ZC3H13: variants seen among roughly 807,000 people sequenced by gnomAD.
ZC3H13 encodes the protein zinc finger CCCH-type containing 13.
A neutral mutation model predicts 204.1 loss-of-function variants in ZC3H13; 64 were observed. The ratio of observed to expected loss-of-function variants is 0.31; its 90% confidence interval spans 0.26 to 0.39. ZC3H13 has a LOEUF of 0.39. Ranked by LOEUF, ZC3H13 falls within the 10% of genes least tolerant of loss-of-function variation. The probability of loss-of-function intolerance (pLI) is 1.00; values close to 1 mark genes in which losing one functional copy is unlikely to be tolerated. For synonymous variants in ZC3H13, 667 were observed against 693.7 expected, an observed-to-expected ratio of 0.96 and a Z score of 0.60; for missense variants, 1,833 against 2,082.7, an observed-to-expected ratio of 0.88 and a Z score of 2.33.
chr13:46,029,452 G>A (rs1400503545), intron 4 of ZC3H13, among the ~76,000 whole-genome samples: 19 of 138,134 alleles, frequency 1.4e-4, no homozygotes, highest in South Asian at 4.6e-4. Flanking sequence ...TTTTTGAGAC[G>A]GAGTCTCGCT....
intron 11 of ZC3H13, 64 bp from the exon 12 acceptor site, chr13:45,975,902 T>C: frequency 1.1e-5 from 17 of 1,480,794 alleles, no homozygotes; most frequent in African/African-American, 3.8e-5. Flanking sequence ...TAAGACAGCA[T>C]GGTAAATCTT....
At chr13:46,017,839 T>G (rs555227867) in intron 5 of ZC3H13, among the ~76,000 whole-genome samples, 1 of 152,238 alleles carries the variant, frequency 6.6e-6, no homozygotes, top group East Asian at 1.9e-4. Flanking sequence ...TGCTTCAATA[T>G]TCCCTCAACA....
At chr13:45,965,537 C>T in intron 15 of ZC3H13, 105 bp from the exon 16 acceptor site, 1 of 1,024,780 alleles carries the variant, frequency 9.8e-7, no homozygotes, top group Non-Finnish European at 1.3e-6. Flanking sequence ...ATGTGAAAAA[C>T]ATCTTTTCAT....
intron 1 of ZC3H13, among the ~76,000 whole-genome samples, chr13:46,047,332 G>T (rs1380822742): frequency 6.6e-6 from 1 of 151,996 alleles, no homozygotes; most frequent in Non-Finnish European, 1.5e-5. Flanking sequence ...TTAATTTTTA[G>T]TGATTTTAAA....
At chr13:45,988,683 G>T in intron 9 of ZC3H13, 104 bp downstream of exon 9, 1 of 1,298,802 alleles carries the variant, frequency 7.7e-7, no homozygotes, top group Non-Finnish European at 1.1e-6. Flanking sequence ...TAGTCTGTGT[G>T]TTACAGAAGA....
intron 1 of ZC3H13, among the ~76,000 whole-genome samples, chr13:46,049,366 A>T (rs1303968917): frequency 6.6e-6 from 1 of 152,178 alleles, no homozygotes; most frequent in Admixed American, 6.5e-5. Flanking sequence ...TGTGTGTAAA[A>T]CGTCTGGTGA....
chr13:45,962,083 T>C (rs1005553634), intron 17 of ZC3H13: 6 of 773,954 alleles, frequency 7.8e-6, no homozygotes, highest in African/African-American at 7.5e-5. Flanking sequence ...TCAGTATCAA[T>C]TATTTCATAA....
intron 8 of ZC3H13, 137 bp from the exon 9 acceptor site, chr13:45,989,234 T>A (rs1020804725): frequency 2.2e-6 from 2 of 917,028 alleles, no homozygotes; most frequent in Non-Finnish European, 3.2e-6. Flanking sequence ...CACAATGCTG[T>A]AAAATTCTAA....
intron 8 of ZC3H13, among the ~76,000 whole-genome samples, chr13:46,002,467 A>G (rs2040819035): frequency 1.3e-5 from 2 of 152,216 alleles, no homozygotes; most frequent in Non-Finnish European, 2.9e-5. Context: ...TTATTTACAC[A>G]TTCATGCTCA....
At chr13:46,045,361 A>G (rs3818476) in intron 2 of ZC3H13, 30 bp downstream of exon 2, 21,407 of 1,531,298 alleles carry the variant, frequency 0.014, 287 homozygotes, top group South Asian at 0.049. Flanking sequence ...TTCTAAGAGA[A>G]CCCCTGTGAC....
intron 3 of ZC3H13, among the ~76,000 whole-genome samples, chr13:46,043,816 T>G (rs2043753656): frequency 6.6e-6 from 1 of 151,992 alleles, no homozygotes; most frequent in African/African-American, 2.4e-5. Flanking sequence ...TTTCTCAAAA[T>G]GATTTCTTGA....
chr13:46,044,612 A>AG (rs1385111910), intron 3 of ZC3H13, among the ~76,000 whole-genome samples: 1 of 152,166 alleles, frequency 6.6e-6, no homozygotes, highest in Non-Finnish European at 1.5e-5. Flanking sequence ...TTTAAGAGTT[A>AG]AAAATAGCCT....
intron 4 of ZC3H13, among the ~76,000 whole-genome samples, chr13:46,030,223 T>G (rs1287742871): frequency 6.6e-6 from 1 of 152,188 alleles, no homozygotes; most frequent in Admixed American, 6.5e-5. Flanking sequence ...AGCGGCGAAT[T>G]TCCTCAACTT....
chr13:46,033,353 T>C (rs1484508706), intron 4 of ZC3H13, among the ~76,000 whole-genome samples: 1 of 152,064 alleles, frequency 6.6e-6, no homozygotes, highest in African/African-American at 2.4e-5. Context: ...ATAGGATATA[T>C]CTTAAGAACT....
intron 4 of ZC3H13, among the ~76,000 whole-genome samples, chr13:46,034,860 T>C (rs575603783): frequency 1.4e-4 from 21 of 152,172 alleles, no homozygotes; most frequent in African/African-American, 4.8e-4. Flanking sequence ...GTTAGAGAAA[T>C]CAGTAAAAAC....
chr13:45,994,713 G>C (rs1471907280), intron 8 of ZC3H13, among the ~76,000 whole-genome samples: 1 of 152,162 alleles, frequency 6.6e-6, no homozygotes, highest in Non-Finnish European at 1.5e-5. Context: ...ATTGGCATAA[G>C]ACAACTGGCT....
intron 18 of ZC3H13, among the ~76,000 whole-genome samples, chr13:45,958,744 C>T (rs1223784673): frequency 1.3e-5 from 2 of 150,300 alleles, no homozygotes; most frequent in Admixed American, 6.7e-5. Flanking sequence ...CAAGCTCCGC[C>T]TCCTGGTTTA....
At chr13:45,999,083 T>A (rs142081376) in intron 8 of ZC3H13, among the ~76,000 whole-genome samples, 3 of 152,116 alleles carry the variant, frequency 2.0e-5, no homozygotes, top group Non-Finnish European at 4.4e-5. Flanking sequence ...ACAAAAAGAT[T>A]TTAAAAATTA....
intron 1 of ZC3H13, 125 bp downstream of exon 1, chr13:46,052,279 T>C (rs967825206): frequency 3.3e-5 from 12 of 361,016 alleles, no homozygotes; most frequent in African/African-American, 2.3e-4. Flanking sequence ...AAGGGTGGGA[T>C]GCTCAAGGAA....
Sources: allele counts gnomAD v4.1 joint callset (sites outside exome capture counted in the v4.1 genomes callset), GRCh38; gene constraint gnomAD v4.1.1; transcripts MANE v1.5; gene names NCBI Gene and HGNC (gene_info 2026-07-23, HGNC 2026-07-21).